Variants in DPP10 observed in about 807,000 individuals in gnomAD.
DPP10 encodes the protein dipeptidyl peptidase like 10.
Under a neutral mutation model 120.9 loss-of-function variants are expected in DPP10, and 33 were observed. The ratio of observed to expected loss-of-function variants is 0.27; its 90% confidence interval spans 0.21 to 0.37. The LOEUF (loss-of-function observed/expected upper bound fraction) is 0.37, where lower values mean the gene tolerates loss of function less well. Among genes scored for constraint, DPP10 ranks in the 10% least tolerant of loss-of-function variants. The pLI, the probability that DPP10 is intolerant of heterozygous loss-of-function variation, is 1.00. For synonymous variants in DPP10, 337 were observed against 326.1 expected (o/e 1.03, Z -0.36); for missense variants, 816 against 942.8 (o/e 0.87, Z 1.76).
intron 1 of DPP10, among the ~76,000 whole-genome samples, chr2:114,812,427 A>G (rs1007932363): frequency 6.6e-6 from 1 of 151,974 alleles, no homozygotes; most frequent in Non-Finnish European, 1.5e-5. Flanking sequence ...CTCTACAAAA[A>G]ATTTTTAAAA....
At chr2:115,114,878 T>C (rs539294428) in intron 1 of DPP10, among the ~76,000 whole-genome samples, 7 of 152,042 alleles carry the variant, frequency 4.6e-5, no homozygotes, top group Non-Finnish European at 5.9e-5. Flanking sequence ...ATTAATTCCC[T>C]GGTTTAACTA....
intron 19 of DPP10, among the ~76,000 whole-genome samples, chr2:115,797,144 G>T (rs902727801): frequency 1.3e-5 from 2 of 151,926 alleles, no homozygotes; most frequent in Non-Finnish European, 2.9e-5. Flanking sequence ...TTAATGCTTT[G>T]GTGTAAAGTA....
chr2:115,032,564 G>A (rs1451314288), intron 1 of DPP10, among the ~76,000 whole-genome samples: 1 of 151,872 alleles, frequency 6.6e-6, no homozygotes, highest in Non-Finnish European at 1.5e-5. Flanking sequence ...AATAATAAAA[G>A]CAAGTTCCAT....
At chr2:115,483,583 T>G (rs1046908970) in intron 3 of DPP10, among the ~76,000 whole-genome samples, 2 of 152,122 alleles carry the variant, frequency 1.3e-5, no homozygotes, top group Non-Finnish European at 2.9e-5. Flanking sequence ...TTGCCCATGA[T>G]GTTAGATGAG....
At chr2:115,606,149 TTTTA>T (rs2083691337) in intron 5 of DPP10, among the ~76,000 whole-genome samples, 1 of 152,298 alleles carries the variant, frequency 6.6e-6, no homozygotes, top group South Asian at 2.1e-4. Context: ...CACAAAATTA[TTTTA>T]TTGTCTAAAA....
intron 3 of DPP10, among the ~76,000 whole-genome samples, chr2:115,461,469 G>A (rs1469137694): frequency 6.6e-6 from 1 of 152,078 alleles, no homozygotes; most frequent in Non-Finnish European, 1.5e-5. Context: ...GGTGACTATA[G>A]TTAACCGATA....
At chr2:115,450,378 C>T (rs2073008982) in intron 3 of DPP10, among the ~76,000 whole-genome samples, 1 of 151,906 alleles carries the variant, frequency 6.6e-6, no homozygotes, top group Non-Finnish European at 1.5e-5. Flanking sequence ...TAACTTGAAC[C>T]AGCATAAGTT....
At chr2:115,292,993 C>T (rs2060719888) in intron 1 of DPP10, among the ~76,000 whole-genome samples, 1 of 151,994 alleles carries the variant, frequency 6.6e-6, no homozygotes. Context: ...GATGGATTCA[C>T]CAAGGTATGA....
chr2:114,743,818 A>G (rs1411056316), intron 1 of DPP10, among the ~76,000 whole-genome samples: 2 of 152,052 alleles, frequency 1.3e-5, no homozygotes, highest in Non-Finnish European at 2.9e-5. Flanking sequence ...CGTGTTAGCT[A>G]TTGATAGTGG....
intron 1 of DPP10, among the ~76,000 whole-genome samples, chr2:115,256,995 T>C (rs1001461367): frequency 1.3e-5 from 2 of 152,206 alleles, no homozygotes; most frequent in Non-Finnish European, 2.9e-5. Flanking sequence ...AGCCAAGTTA[T>C]TCACTAAGGC....
intron 1 of DPP10, among the ~76,000 whole-genome samples, chr2:114,584,242 T>C (rs147838761): frequency 2.1e-4 from 32 of 152,308 alleles, no homozygotes; most frequent in African/African-American, 7.5e-4. Flanking sequence ...TAGTTTCTTC[T>C]CTTTTTGTAG....
chr2:115,699,766 T>C (rs1163219103), intron 7 of DPP10, among the ~76,000 whole-genome samples: 1 of 152,220 alleles, frequency 6.6e-6, no homozygotes, highest in Non-Finnish European at 1.5e-5. Flanking sequence ...TGAACATTTA[T>C]GTAAAAATTC....
chr2:114,558,228 C>T (rs555886786), intron 1 of DPP10, among the ~76,000 whole-genome samples: 9 of 152,156 alleles, frequency 5.9e-5, no homozygotes, highest in Non-Finnish European at 1.0e-4. Context: ...GAGAGGTCTT[C>T]GGAAGTCCTC....
At chr2:114,525,711 G>A (rs1274317592) in intron 1 of DPP10, among the ~76,000 whole-genome samples, 2 of 152,190 alleles carry the variant, frequency 1.3e-5, no homozygotes, top group Non-Finnish European at 2.9e-5. Flanking sequence ...TTTCTCACCT[G>A]TAAAATGAAG....
rs952871848 is a variant in DPP10 at position 114,694,311 on chromosome 2, C to A, written c.60+251473C>A. Among the ~76,000 whole-genome samples the A allele has an allele frequency of 1.9e-4, 29 of 151,844 alleles. 1 individual carries two copies. The highest frequency in any genetic ancestry group is 2.2e-4 in the Non-Finnish European group (15 of 67,870). ...ATTAATTATAAAAGACACATTTCTC[C>A]CCTACATTTTAACATCTCCGTAGAG... is the stretch of plus-strand genomic sequence containing the variant. On this transcript the variant is annotated intron_variant, in intron 1 of 25. Coordinates refer to ENST00000410059, the MANE Select transcript of DPP10 (RefSeq NM_020868.6).
chr2:115,612,276 T>G (rs754855975), intron 5 of DPP10, among the ~76,000 whole-genome samples: 4 of 152,188 alleles, frequency 2.6e-5, no homozygotes, highest in Non-Finnish European at 5.9e-5. Flanking sequence ...GGTGGCTATT[T>G]GCCAGAAATA....
At chr2:115,177,910 C>T (rs1434661145) in intron 1 of DPP10, among the ~76,000 whole-genome samples, 1 of 152,030 alleles carries the variant, frequency 6.6e-6, no homozygotes, top group Non-Finnish European at 1.5e-5. Flanking sequence ...ACTACAGGTG[C>T]CCGCCACCAC....
rs551532032 is a variant in DPP10 at position 115,652,582 on chromosome 2, C to T, written c.442-37105C>T. 3.3e-5 allele frequency among the ~76,000 whole-genome samples: 5 copies of T among 151,596 alleles called. No individual in the cohort carries two copies. In the East Asian group the frequency reaches 5.8e-4, roughly 18 times the overall value. ...TGGCAAGCTGGAGACTCAGGAGAGC[C>T]GATGGTACAGTTCTAGTGTGAGTCT... On this transcript the variant is annotated intron_variant, in intron 5 of 25. Coordinates refer to ENST00000410059, the MANE Select transcript of DPP10 (RefSeq NM_020868.6).
chr2:115,821,702 A>G (rs1687833620), intron 21 of DPP10, among the ~76,000 whole-genome samples: 1 of 151,826 alleles, frequency 6.6e-6, no homozygotes, highest in African/African-American at 2.4e-5. Flanking sequence ...TTTTTTCTAA[A>G]TATAATTTTG....
Sources: allele counts gnomAD v4.1 joint callset (sites outside exome capture counted in the v4.1 genomes callset), GRCh38; gene constraint gnomAD v4.1.1; transcripts MANE v1.5; gene names NCBI Gene and HGNC (gene_info 2026-07-23, HGNC 2026-07-21).